ATF7IP2: variants seen among roughly 807,000 people sequenced by gnomAD.
ATF7IP2 encodes the protein activating transcription factor 7-interacting protein 2.
Under a neutral mutation model 64.2 loss-of-function variants are expected in ATF7IP2, and 42 were observed. The ratio of observed to expected loss-of-function variants is 0.65; its 90% confidence interval spans 0.51 to 0.85. The LOEUF (loss-of-function observed/expected upper bound fraction) is 0.85, where lower values mean the gene tolerates loss of function less well. Among genes scored for constraint, ATF7IP2 ranks in the 40% least tolerant of loss-of-function variants. ATF7IP2 has a pLI of 0.00. For missense variants in ATF7IP2, 933 were observed against 784.2 expected (o/e 1.19, Z -2.27); for synonymous variants, 308 against 272.8 (o/e 1.13, Z -1.27).
chr16:10,438,167 G>C lies in ATF7IP2; in HGVS notation c.1027G>C (p.Glu343Gln). The C allele has an allele frequency of 1.2e-6, 2 of 1,605,770 alleles. No homozygotes were observed. Among genetic ancestry groups the C allele is most frequent in the African/African-American group, 2.7e-5 (2 of 74,444 alleles). ...NYELFDKKLK[E>Q]LNQRIGKTEC... ...TGAACTATTTGATAAGAAACTGAAA[G>C]AATTGAACCAACGCATTGGGAAGAC... is the stretch of plus-strand genomic sequence containing the variant. Residue 343 changes from glutamate (E) to glutamine (Q), a missense_variant, in exon 7 of 14, where the codon GAA becomes CAA. Transcript: ENST00000562102.
At chr16:10,434,733 G>A (rs969806908) in intron 6 of ATF7IP2, among the ~76,000 whole-genome samples, 1 of 152,178 alleles carries the variant, frequency 6.6e-6, no homozygotes, top group Non-Finnish European at 1.5e-5. Context: ...TATTCAAGAA[G>A]AAGGTTGGGG....
chr16:10,390,033 G>A (rs2047290949), intron 1 of ATF7IP2, among the ~76,000 whole-genome samples: 1 of 152,198 alleles, frequency 6.6e-6, no homozygotes, highest in Non-Finnish European at 1.5e-5. Flanking sequence ...AACAAGATTA[G>A]TTAAATGGGT....
At chr16:10,398,303 CAAA>C (rs370158117) in intron 1 of ATF7IP2, among the ~76,000 whole-genome samples, 6 of 134,180 alleles carry the variant, frequency 4.5e-5, no homozygotes, top group Admixed American at 3.8e-4. Context: ...GACTCCATCT[CAAA>C]AAAAAAAAAA....
intron 4 of ATF7IP2, among the ~76,000 whole-genome samples, chr16:10,429,397 C>G (rs1390707598): frequency 6.6e-6 from 1 of 152,254 alleles, no homozygotes; most frequent in Non-Finnish European, 1.5e-5. Context: ...GTCATCCAGG[C>G]TGGAGTACAA....
chr16:10,455,690 G>A (rs185648187), intron 8 of ATF7IP2, among the ~76,000 whole-genome samples: 2 of 152,272 alleles, frequency 1.3e-5, no homozygotes, highest in East Asian at 1.9e-4. Flanking sequence ...TAGAAATTTG[G>A]AAGTTAAAGA....
chr16:10,466,279 T>C (rs2049567378), intron 9 of ATF7IP2, among the ~76,000 whole-genome samples: 1 of 152,248 alleles, frequency 6.6e-6, no homozygotes, highest in Admixed American at 6.5e-5. Context: ...GTTCAGTTCA[T>C]TGCCATTTTG....
At chr16:10,459,731 T>A (rs1348598709) in intron 9 of ATF7IP2, among the ~76,000 whole-genome samples, 2 of 152,184 alleles carry the variant, frequency 1.3e-5, no homozygotes, top group Admixed American at 6.5e-5. Flanking sequence ...CAGGACTTGA[T>A]AAAATACCCA....
chr16:10,387,428 A>G (rs2047223937), intron 1 of ATF7IP2: 1 of 152,228 alleles, frequency 6.6e-6, no homozygotes, highest in African/African-American at 2.4e-5. Flanking sequence ...CTTCTGCCTC[A>G]ACAGAAATAC....
chr16:10,421,236 A>C (rs1357581811), intron 3 of ATF7IP2, among the ~76,000 whole-genome samples: 3 of 152,168 alleles, frequency 2.0e-5, no homozygotes, highest in Non-Finnish European at 4.4e-5. Context: ...AAGCCACTGT[A>C]CAAGATCTTG....
intron 1 of ATF7IP2, among the ~76,000 whole-genome samples, chr16:10,408,571 C>T (rs1029298354): frequency 1.8e-4 from 28 of 152,166 alleles, no homozygotes; most frequent in African/African-American, 6.5e-4. Context: ...TTTTGATTTG[C>T]ATTTCCCTGA....
chr16:10,427,496 G>A (rs993058028), intron 3 of ATF7IP2, among the ~76,000 whole-genome samples: 1 of 152,180 alleles, frequency 6.6e-6, no homozygotes, highest in African/African-American at 2.4e-5. Flanking sequence ...TACCTTTTCA[G>A]TATCTAGAAA....
At chr16:10,451,930 G>C (rs2048998292) in intron 8 of ATF7IP2, among the ~76,000 whole-genome samples, 1 of 152,028 alleles carries the variant, frequency 6.6e-6, no homozygotes, top group African/African-American at 2.4e-5. Context: ...GTGCACGCCT[G>C]TAGTCCCAGC....
At chr16:10,399,504 C>G (rs1376383379) in intron 1 of ATF7IP2, among the ~76,000 whole-genome samples, 1 of 152,150 alleles carries the variant, frequency 6.6e-6, no homozygotes, top group Non-Finnish European at 1.5e-5. Flanking sequence ...GCTGTAGATA[C>G]GTGGCTTTAT....
At chr16:10,473,599 G>A in intron 11 of ATF7IP2, 65 bp downstream of exon 11, 2 of 1,158,514 alleles carry the variant, frequency 1.7e-6, no homozygotes, top group Non-Finnish European at 2.5e-6. Context: ...GAACTTTAGT[G>A]TTTGCTACAT....
chr16:10,458,255 A>C (rs1179756657), intron 9 of ATF7IP2, among the ~76,000 whole-genome samples: 2 of 152,204 alleles, frequency 1.3e-5, no homozygotes, highest in Admixed American at 6.5e-5. Context: ...TTTTAGTTTT[A>C]AGCCAGGAAG....
At chr16:10,445,443 A>G (rs745403734) in intron 8 of ATF7IP2, 2 of 152,200 alleles carry the variant, frequency 1.3e-5, no homozygotes, top group African/African-American at 2.4e-5. Flanking sequence ...TTCAAAAGAA[A>G]GGCTTTTCTT....
At chr16:10,388,989 G>C (rs2047266028) in intron 1 of ATF7IP2, among the ~76,000 whole-genome samples, 1 of 151,824 alleles carries the variant, frequency 6.6e-6, no homozygotes, top group Non-Finnish European at 1.5e-5. Flanking sequence ...TCCATCCTGG[G>C]CGACAGAGCA....
intron 3 of ATF7IP2, among the ~76,000 whole-genome samples, chr16:10,423,731 T>TA (rs1239122016): frequency 1.3e-5 from 2 of 152,204 alleles, no homozygotes; most frequent in East Asian, 3.8e-4. Context: ...TGTTACCTCT[T>TA]ATGTTACTTC....
chr16:10,430,913 CAGT>C lies in ATF7IP2; in HGVS notation c.296_298del (p.Val99del). ...GTATTCTCTCAGAATTGCATAAAAC[CAGT>C]AGAAGAAATTGTTCATTCAGAAACA... is the stretch of plus-strand genomic sequence containing the variant. On this transcript the variant is annotated inframe_deletion, in exon 5 of 14. Coordinates refer to ENST00000562102, the MANE Select transcript of ATF7IP2 (RefSeq NM_001393719.1). The C allele has an allele frequency of 1.9e-6, 3 of 1,613,850 alleles. No homozygotes were observed. The highest frequency in any genetic ancestry group is 2.5e-6 in the Non-Finnish European group (3 of 1,179,986).
Sources: gnomAD v4.1 joint callset for allele counts (sites outside exome capture counted in the v4.1 genomes callset) on GRCh38, gnomAD v4.1.1 for gene constraint, MANE v1.5 for transcripts, NCBI Gene and HGNC (gene_info 2026-07-23, HGNC 2026-07-21) for gene names.